The following PTK2 variants were observed in gnomAD, a reference collection of about 807,000 sequenced individuals.
The protein encoded by PTK2 is focal adhesion kinase 1.
In PTK2, 45 loss-of-function variants were observed where a neutral mutation model predicts 150.1. The observed-to-expected ratio is 0.30, with a 90% CI of 0.24 to 0.38. PTK2 has a LOEUF of 0.38. PTK2 is among the 10% of genes least tolerant of loss of function. The pLI is 1.00. For synonymous variants in PTK2, 432 were observed against 449.2 expected (o/e 0.96, Z 0.48); for missense variants, 919 against 1,307.3 (o/e 0.70, Z 4.58).
chr8:140,690,991 G>GA (rs1453555473), intron 26 of PTK2, among the ~76,000 whole-genome samples: 1 of 152,222 alleles, frequency 6.6e-6, no homozygotes, highest in Admixed American at 6.5e-5. Flanking sequence ...TTAGGAGGAT[G>GA]AAATGAGTTA....
intron 29 of PTK2, among the ~76,000 whole-genome samples, chr8:140,671,534 GA>G: frequency 6.6e-6 from 1 of 152,154 alleles, no homozygotes; most frequent in African/African-American, 2.4e-5. Context: ...TGCAGTATTA[GA>G]ACAATACTGT....
At chr8:140,959,724 A>G (rs4961308) in intron 1 of PTK2, among the ~76,000 whole-genome samples, 146,912 of 152,128 alleles carry the variant, frequency 0.97, 71,126 homozygotes, top group East Asian at 1. Context: ...CACGTATAGC[A>G]GCTCATGCCT....
rs1209829069 is a variant in PTK2, at chr8:140,927,971, A to ATAT, written c.-121-2223_-121-2222insATA. ...AAAAAAAAAAAAGAAAAAAAAAAAAAAAAAATATATATATATATATATGTA... is the reference window on the plus strand; with the variant it reads ...AAAAAAAAAAAAGAAAAAAAAAAAAATATAAAAATATATATATATATATATGTA... On this transcript the variant is annotated intron_variant, in intron 1 of 31. Coordinates refer to ENST00000522684, the Ensembl canonical transcript of PTK2. 9.9e-4 allele frequency among the ~76,000 whole-genome samples: 66 copies of ATAT among 66,900 alleles called. 1 individual carries two copies. Among genetic ancestry groups the ATAT allele is most frequent in the Admixed American group, 2.6e-3 (13 of 4,920 alleles). 43.9% of individuals were successfully genotyped at this position (66,900 alleles called of 152,430 possible). A position where few individuals can be genotyped will look rare whatever the true frequency, so the allele number is the denominator to read the frequency against.
intron 7 of PTK2, among the ~76,000 whole-genome samples, chr8:140,831,478 A>G (rs13251663): frequency 0.42 from 63,753 of 152,090 alleles, 14,988 homozygotes; most frequent in Non-Finnish European, 0.54. Flanking sequence ...AAGTTAGCTG[A>G]CGTTATAAAC....
At chr8:140,973,679 C>T (rs760619895) in intron 1 of PTK2, among the ~76,000 whole-genome samples, 1 of 152,184 alleles carries the variant, frequency 6.6e-6, no homozygotes, top group East Asian at 1.9e-4. Flanking sequence ...TTTCTGCTAT[C>T]TGATTTCTCA....
intron 4 of PTK2, among the ~76,000 whole-genome samples, chr8:140,874,624 T>C (rs1445870058): frequency 1.3e-5 from 2 of 152,152 alleles, no homozygotes; most frequent in African/African-American, 4.8e-5. Flanking sequence ...GAAAAGTTAT[T>C]AAGCCTTTCC....
chr8:141,000,499 C>T (rs1400178726), intron 1 of PTK2, among the ~76,000 whole-genome samples: 2 of 152,172 alleles, frequency 1.3e-5, no homozygotes, highest in African/African-American at 2.4e-5. Context: ...CTGCGATTTC[C>T]CTCTTCCTCC....
intron 26 of PTK2, among the ~76,000 whole-genome samples, chr8:140,697,852 GTTTTTTTTTT>G (rs71308981): frequency 1.0e-4 from 5 of 47,968 alleles, no homozygotes; most frequent in South Asian, 1.3e-3. Flanking sequence ...AGGGTTTACT[GTTTTTTTTTT>G]TTTTTTTTTT....
chr8:140,853,343 C>T (rs561319482), intron 5 of PTK2, among the ~76,000 whole-genome samples: 1 of 99,822 alleles, frequency 1.0e-5, no homozygotes, highest in Non-Finnish European at 1.9e-5. Flanking sequence ...CTCCCCCCTC[C>T]CCCCACCCCA....
chr8:140,817,474 T>G (rs1282132450), intron 10 of PTK2, among the ~76,000 whole-genome samples: 2 of 152,200 alleles, frequency 1.3e-5, no homozygotes, highest in East Asian at 1.9e-4. Flanking sequence ...ATGTTACTAG[T>G]GCAAGGCCTG....
intron 1 of PTK2, among the ~76,000 whole-genome samples, chr8:140,957,945 C>G (rs553140780): frequency 6.6e-6 from 1 of 152,116 alleles, no homozygotes; most frequent in Non-Finnish European, 1.5e-5. Context: ...AACAGAATTA[C>G]AAAAAGAAAA....
At chr8:140,815,715 T>C (rs2100104319) in intron 10 of PTK2, among the ~76,000 whole-genome samples, 1 of 152,106 alleles carries the variant, frequency 6.6e-6, no homozygotes, top group Admixed American at 6.5e-5. Flanking sequence ...CTCAATATTT[T>C]AAAAGAATAT....
intron 7 of PTK2, among the ~76,000 whole-genome samples, chr8:140,843,706 A>C (rs894037503): frequency 6.6e-6 from 1 of 151,984 alleles, no homozygotes; most frequent in African/African-American, 2.4e-5. Context: ...TTTTTTAGAT[A>C]GGCCTTTTAT....
chr8:140,686,817 C>T (rs534578483), intron 26 of PTK2, 123 bp from the exon 30 acceptor site: 40 of 853,298 alleles, frequency 4.7e-5, no homozygotes, highest in East Asian at 3.5e-4. Context: ...GTTGAAAGTT[C>T]CCCCGTTTCA....
At chr8:140,885,431 T>C (rs2100151899) in intron 3 of PTK2, among the ~76,000 whole-genome samples, 1 of 152,182 alleles carries the variant, frequency 6.6e-6, no homozygotes. Flanking sequence ...CAAAGATCCC[T>C]GATGTCACAG....
At chr8:140,812,597 A>G (rs2154601219) in intron 10 of PTK2, among the ~76,000 whole-genome samples, 1 of 152,342 alleles carries the variant, frequency 6.6e-6, no homozygotes. Context: ...AGAGCTGGAT[A>G]AAGAACCAAG....
intron 1 of PTK2, among the ~76,000 whole-genome samples, chr8:140,946,776 A>AT (rs555621220): frequency 6.6e-6 from 1 of 151,984 alleles, no homozygotes; most frequent in Non-Finnish European, 1.5e-5. Flanking sequence ...TTTGCTTATT[A>AT]TTTTTTTATT....
chr8:140,659,544 C>T (rs767278517), exon 32 of PTK2: 1 of 1,613,950 alleles, frequency 6.2e-7, no homozygotes, highest in Non-Finnish European at 8.5e-7. Flanking sequence ...CATCCACAGC[C>T]AGGGCGTGAG....
chr8:140,999,922 A>T (rs1359732500), intron 1 of PTK2, among the ~76,000 whole-genome samples: 1 of 152,006 alleles, frequency 6.6e-6, no homozygotes, highest in Non-Finnish European at 1.5e-5. Context: ...CAGTTCCCAT[A>T]ATTACTACAA....
Sources: allele counts gnomAD v4.1 joint callset (sites outside exome capture counted in the v4.1 genomes callset), GRCh38; gene constraint gnomAD v4.1.1; transcripts MANE v1.5; gene names NCBI Gene and HGNC (gene_info 2026-07-23, HGNC 2026-07-21).